The following CDKL5 variants were observed in gnomAD, a reference collection of about 807,000 sequenced individuals.
The protein encoded by CDKL5 is cyclin dependent kinase like 5, also known as cyclin-dependent kinase-like 5.
A neutral mutation model predicts 61.7 loss-of-function variants in CDKL5; 8 were observed. The ratio of observed to expected loss-of-function variants is 0.13; its 90% confidence interval spans 0.08 to 0.23. The LOEUF (loss-of-function observed/expected upper bound fraction) is 0.23. Among genes scored for constraint, CDKL5 ranks in the 10% least tolerant of loss-of-function variants. CDKL5 has a pLI of 1.00. For synonymous variants in CDKL5, 275 were observed against 272.3 expected, an observed-to-expected ratio of 1.01 and a Z score of -0.10; for missense variants, 440 against 734.5, an observed-to-expected ratio of 0.60 and a Z score of 4.63.
At chrX:18,441,339 C>T (rs1349070585) in intron 1 of CDKL5, among the ~76,000 whole-genome samples, 1 of 110,306 alleles carries the variant, frequency 9.1e-6, no homozygotes, top group Non-Finnish European at 1.9e-5. Flanking sequence ...CACCTGAGCC[C>T]AGGAGGTCGA....
At chrX:18,550,644 T>A (rs750388137) in intron 3 of CDKL5, among the ~76,000 whole-genome samples, 1 of 112,551 alleles carries the variant, frequency 8.9e-6, no homozygotes, top group Non-Finnish European at 1.9e-5. Flanking sequence ...CAGTGGAACA[T>A]AGCTTTTAAG....
At chrX:18,551,126 T>A (rs1160186452) in intron 3 of CDKL5, among the ~76,000 whole-genome samples, 1 of 112,273 alleles carries the variant, frequency 8.9e-6, no homozygotes, top group Non-Finnish European at 1.9e-5. Context: ...GAATGTCTCA[T>A]TTTTCATTTT....
At chrX:18,529,460 A>G (rs1024994208) in intron 3 of CDKL5, among the ~76,000 whole-genome samples, 10 of 110,891 alleles carry the variant, frequency 9.0e-5, no homozygotes, top group Non-Finnish European at 1.9e-4. Flanking sequence ...TCCTTCTCCA[A>G]TGCTCTTTTC....
intron 4 of CDKL5, among the ~76,000 whole-genome samples, chrX:18,569,017 G>C (rs907905234): frequency 3.6e-5 from 4 of 111,573 alleles, no homozygotes; most frequent in Non-Finnish European, 7.5e-5. Context: ...TTATTTTCTA[G>C]TTGTTAGCAG....
chrX:18,628,285 T>G, intron 17 of CDKL5, 86 bp from the exon 18 acceptor site: 2 of 982,539 alleles, frequency 2.0e-6, no homozygotes, highest in Non-Finnish European at 2.9e-6. Context: ...CCACACCCAG[T>G]CACCTCACCT....
At chrX:18,475,742 G>A (rs1311443824) in intron 1 of CDKL5, among the ~76,000 whole-genome samples, 2 of 112,252 alleles carry the variant, frequency 1.8e-5, no homozygotes, top group East Asian at 5.5e-4. Flanking sequence ...GTGAGAACTG[G>A]TGGTGGTACT....
chrX:18,531,944 G>C (rs1293267820), intron 3 of CDKL5, among the ~76,000 whole-genome samples: 1 of 107,895 alleles, frequency 9.3e-6, no homozygotes, highest in Non-Finnish European at 1.9e-5. Flanking sequence ...CTGACCTCGT[G>C]ATCCACCCGC....
intron 1 of CDKL5, among the ~76,000 whole-genome samples, chrX:18,457,765 G>A (rs762427369): frequency 9.3e-6 from 1 of 107,656 alleles, no homozygotes; most frequent in African/African-American, 3.4e-5. Context: ...ACAGGTGCAT[G>A]CTGCCATGCC....
intron 3 of CDKL5, among the ~76,000 whole-genome samples, chrX:18,552,931 A>G (rs1439504188): frequency 9.0e-6 from 1 of 111,168 alleles, no homozygotes; most frequent in Non-Finnish European, 1.9e-5. Context: ...GGAGTTAGGG[A>G]GAATTTTAAG....
chrX:18,606,096 G>A (rs958493869), intron 12 of CDKL5, among the ~76,000 whole-genome samples: 1 of 110,325 alleles, frequency 9.1e-6, no homozygotes, highest in African/African-American at 3.3e-5. Flanking sequence ...CACTAGAATC[G>A]CTTGAACCCA....
In CDKL5 at chrX:18,634,758, T is replaced by C; in HGVS notation, c.*6001T>C. 1.3e-6 allele frequency: 1 copy of C among 753,307 alleles called. No individual in the cohort carries two copies. 62.1% of individuals were successfully genotyped at this position (753,307 alleles called of 1,213,427 possible). On this transcript the variant is annotated 3_prime_UTR_variant, in exon 18 of 18. Transcript: ENST00000623535. ...ACAGAAACAATTAAACCAAACAAAA[T>C]CATTGCCCCAAATTTCTATCTCCAA... is the stretch of plus-strand genomic sequence containing the variant.
intron 15 of CDKL5, among the ~76,000 whole-genome samples, chrX:18,613,836 G>A (rs1926639252): frequency 1.8e-5 from 2 of 111,934 alleles, no homozygotes; most frequent in Non-Finnish European, 3.8e-5. Flanking sequence ...AGTCCTTTAT[G>A]CTACCATAAA....
chrX:18,620,887 C>T (rs1172983576), intron 16 of CDKL5, among the ~76,000 whole-genome samples: 8 of 110,274 alleles, frequency 7.3e-5, no homozygotes, highest in East Asian at 5.7e-4. Context: ...ACTGGGTGCA[C>T]GCCATCACAC....
At chrX:18,506,225 T>C (rs1171071575) in intron 1 of CDKL5, among the ~76,000 whole-genome samples, 2 of 111,747 alleles carry the variant, frequency 1.8e-5, no homozygotes, top group Non-Finnish European at 3.8e-5. Flanking sequence ...GCTCCTATGG[T>C]CCTTCTCCTG....
Position 18,636,435 on chromosome X carries a change from G to A in CDKL5, c.*7678G>A, listed in dbSNP as rs1927391621. Reference sequence around the variant, plus strand: ...CTATTATTATCCCCTTTTTGTAAATGAGGAAACAGATTTCCATACTTGACA... The same window carrying A: ...CTATTATTATCCCCTTTTTGTAAATAAGGAAACAGATTTCCATACTTGACA... On this transcript the variant is annotated 3_prime_UTR_variant, in exon 18 of 18. Coordinates refer to ENST00000623535, the MANE Select transcript of CDKL5 (RefSeq NM_001323289.2). 2 of 108,104 alleles carry A rather than the reference G, an allele frequency of 1.9e-5. No homozygotes were observed. The highest frequency in any genetic ancestry group is 6.7e-5 in the African/African-American group (2 of 29,789). 8.9% of individuals were successfully genotyped at this position (108,104 alleles called of 1,213,427 possible).
chrX:18,613,191 A>G lies in CDKL5; in HGVS notation c.2192A>G (p.Asn731Ser), dbSNP rs1469119520. The G allele has an allele frequency of 8.3e-7, 1 of 1,200,249 alleles. No homozygotes were observed. The highest frequency in any genetic ancestry group is 1.1e-6 in the Non-Finnish European group (1 of 887,384). The change falls in exon 15 of 18, where the codon AAT becomes AGT. Residue 731 changes from asparagine to serine, a missense_variant. By Grantham distance (46) the Asn-to-Ser change is conservative (BLOSUM62 1). Around this residue, in one of 2 missense-constraint regions of CDKL5, gnomAD observed 363 missense variants for 516.3 expected, o/e 0.70. Transcript: ENST00000623535. ...PRPDNSFHEN[N>S]VSTRVSSLPS... Reference sequence around the variant, plus strand: ...CCAGACAATTCTTTCCATGAAAATAATGTGTCAACTAGAGTTTCTTCTCTA... The same window carrying G: ...CCAGACAATTCTTTCCATGAAAATAGTGTGTCAACTAGAGTTTCTTCTCTA...
rs750217531 is a variant in CDKL5 at position 18,567,966 on chromosome X, T to C, written c.145+3444T>C. 7.1e-5 allele frequency among the ~76,000 whole-genome samples: 8 copies of C among 112,091 alleles called. No homozygotes were observed. In the South Asian group the frequency reaches 1.5e-3, roughly 21 times the overall value. On this transcript the variant is annotated intron_variant, in intron 4 of 17. Coordinates refer to ENST00000623535, the MANE Select transcript of CDKL5 (RefSeq NM_001323289.2). ...CCTTTAAACATGCTCAGAACACTTA[T>C]GTTAGCCTATAGTTGGGCAAAATCA...
chrX:18,546,108 T>C (rs889321789), intron 3 of CDKL5, among the ~76,000 whole-genome samples: 30 of 111,054 alleles, frequency 2.7e-4, no homozygotes, highest in Non-Finnish European at 4.9e-4. Context: ...TGGGGTGTAC[T>C]CTCTGCCCTG....
At chrX:18,652,108 A>G (rs1010448389) in intron 21 of CDKL5, among the ~76,000 whole-genome samples, 9 of 109,645 alleles carry the variant, frequency 8.2e-5, no homozygotes, top group African/African-American at 2.3e-4. Context: ...CTCCCTCCCC[A>G]TTCTCCCCCT....
Sources: allele counts gnomAD v4.1 joint callset (sites outside exome capture counted in the v4.1 genomes callset), GRCh38; gene constraint gnomAD v4.1.1; regional missense constraint gnomAD v4.1.1; transcripts MANE v1.5; gene names NCBI Gene and HGNC (gene_info 2026-07-23, HGNC 2026-07-21).